The following LDB2 variants were observed in gnomAD, a reference collection of about 807,000 sequenced individuals.
The protein encoded by LDB2 is LIM domain binding 2.
A neutral mutation model predicts 44.3 loss-of-function variants in LDB2; 12 were observed. The observed-to-expected ratio is 0.27, with a 90% CI of 0.17 to 0.44. LDB2 has a LOEUF of 0.44. LDB2 is among the 20% of genes least tolerant of loss of function. The probability of loss-of-function intolerance (pLI) is 1.00; values close to 1 mark genes in which losing one functional copy is unlikely to be tolerated. For missense variants in LDB2, 344 were observed against 473.5 expected, an observed-to-expected ratio of 0.73 and a Z score of 2.54; for synonymous variants, 164 against 174.8, an observed-to-expected ratio of 0.94 and a Z score of 0.49.
At chr4:16,831,066 T>C (rs1465961391) in intron 1 of LDB2, among the ~76,000 whole-genome samples, 1 of 151,816 alleles carries the variant, frequency 6.6e-6, no homozygotes, top group African/African-American at 2.4e-5. Context: ...CTCTAGGCAA[T>C]GGGGTTGAAT....
intron 2 of LDB2, among the ~76,000 whole-genome samples, chr4:16,665,720 GAT>G (rs1187950150): frequency 1.3e-5 from 2 of 152,018 alleles, no homozygotes; most frequent in East Asian, 3.9e-4. Context: ...GCCCCTAAAA[GAT>G]ATGTCCATTT....
chr4:16,790,135 T>C (rs1219877441), intron 1 of LDB2, among the ~76,000 whole-genome samples: 2 of 152,144 alleles, frequency 1.3e-5, no homozygotes, highest in African/African-American at 4.8e-5. Context: ...ACCCACTAAA[T>C]ACCAGACACT....
intron 1 of LDB2, among the ~76,000 whole-genome samples, chr4:16,813,275 T>G (rs1320660855): frequency 6.6e-6 from 1 of 152,118 alleles, no homozygotes; most frequent in Admixed American, 6.5e-5. Context: ...TGTGAGCCAC[T>G]GTGCCCAGCC....
intron 2 of LDB2, among the ~76,000 whole-genome samples, chr4:16,680,864 G>A (rs1007761543): frequency 2.0e-5 from 3 of 152,176 alleles, no homozygotes; most frequent in Non-Finnish European, 4.4e-5. Flanking sequence ...AATTGTCTGT[G>A]ATACTTACAC....
chr4:16,567,304 G>A lies in LDB2; in HGVS notation c.615+18618C>T, dbSNP rs751095910. ...ATCTTTAGAGTGATAACCTTCTCTA[G>A]GATATATTTCTATTGCTTTTATAAA... On this transcript the variant is annotated intron_variant, in intron 5 of 7. Transcript: ENST00000304523. Among the ~76,000 whole-genome samples the A allele has an allele frequency of 2.6e-5, 4 of 152,154 alleles. No individual in the cohort carries two copies. The East Asian group carries it at 5.8e-4, about 22-fold the overall frequency.
chr4:16,585,408 G>A (rs1372360238), intron 5 of LDB2, among the ~76,000 whole-genome samples: 4 of 152,160 alleles, frequency 2.6e-5, no homozygotes, highest in Non-Finnish European at 2.9e-5. Context: ...CTGTAGAGAG[G>A]AAGAATCTCC....
chr4:16,735,219 G>T (rs563169620), intron 2 of LDB2, among the ~76,000 whole-genome samples: 5 of 152,186 alleles, frequency 3.3e-5, no homozygotes, highest in African/African-American at 9.6e-5. Context: ...AATGCTGCCC[G>T]CAGTCCCCTG....
chr4:16,539,761 T>C (rs1337757545), intron 5 of LDB2, among the ~76,000 whole-genome samples: 2 of 152,130 alleles, frequency 1.3e-5, no homozygotes, highest in African/African-American at 4.8e-5. Context: ...TCAAATTCAC[T>C]GAAAGTCCAC....
chr4:16,889,455 A>C (rs1415974659), intron 1 of LDB2: 1 of 151,932 alleles, frequency 6.6e-6, no homozygotes, highest in Non-Finnish European at 1.5e-5. Flanking sequence ...TCAGGTCAAC[A>C]CTCCCTTCAT....
intron 5 of LDB2, among the ~76,000 whole-genome samples, chr4:16,555,962 G>C (rs991757202): frequency 1.3e-5 from 2 of 151,994 alleles, no homozygotes; most frequent in Admixed American, 6.6e-5. Flanking sequence ...ACCTCTGTTG[G>C]GATTGATTCC....
intron 1 of LDB2, among the ~76,000 whole-genome samples, chr4:16,850,652 A>T (rs1354170592): frequency 1.3e-5 from 2 of 152,070 alleles, no homozygotes; most frequent in Non-Finnish European, 2.9e-5. Context: ...CCCTAGAATG[A>T]TAATCCCTTT....
Position 16,739,648 on chromosome 4 carries a change from ATGTG to A in LDB2, c.235+19506_235+19509del, listed in dbSNP as rs1170545058. 3.2e-3 allele frequency among the ~76,000 whole-genome samples: 248 copies of A among 77,096 alleles called. 31 individuals carry two copies. In the East Asian group the frequency reaches 0.041, roughly 13 times the overall value. The allele number at this position is 77,096 out of a possible 152,430, so 50.6% of individuals were successfully genotyped here. On this transcript the variant is annotated intron_variant, in intron 2 of 7. Coordinates refer to ENST00000304523, the MANE Select transcript of LDB2 (RefSeq NM_001290.5). ...TGTGTGTATATATGTATATATACAT[ATGTG>A]TGTATATATGTATATATACATATGT...
intron 1 of LDB2, among the ~76,000 whole-genome samples, chr4:16,776,006 C>T (rs182836695): frequency 1.3e-5 from 2 of 152,328 alleles, no homozygotes; most frequent in East Asian, 1.9e-4. Flanking sequence ...GAGATCACAA[C>T]TTGCAAGAGA....
chr4:16,700,822 T>C (rs1195244992), intron 2 of LDB2, among the ~76,000 whole-genome samples: 1 of 152,128 alleles, frequency 6.6e-6, no homozygotes, highest in Non-Finnish European at 1.5e-5. Flanking sequence ...CATAAAAAAG[T>C]TAAAGCCCCC....
At chr4:16,677,827 C>G (rs1359247179) in intron 2 of LDB2, among the ~76,000 whole-genome samples, 2 of 152,180 alleles carry the variant, frequency 1.3e-5, no homozygotes, top group African/African-American at 2.4e-5. Flanking sequence ...ACCACCCACA[C>G]AAATAATATT....
chr4:16,592,080 G>A (rs1719179394), intron 3 of LDB2, among the ~76,000 whole-genome samples: 1 of 152,092 alleles, frequency 6.6e-6, no homozygotes. Flanking sequence ...AATGCCCCCA[G>A]TACAGATGGT....
intron 2 of LDB2, among the ~76,000 whole-genome samples, chr4:16,714,814 T>C (rs1222986509): frequency 2.0e-5 from 3 of 152,086 alleles, no homozygotes; most frequent in Non-Finnish European, 4.4e-5. Flanking sequence ...AATCCCTGTC[T>C]CTGTCTTCAC....
At chr4:16,641,529 A>G (rs1735168004) in intron 2 of LDB2, among the ~76,000 whole-genome samples, 1 of 152,144 alleles carries the variant, frequency 6.6e-6, no homozygotes, top group South Asian at 2.1e-4. Flanking sequence ...CAGAAGGTGA[A>G]GCAGAAACAG....
intron 5 of LDB2, among the ~76,000 whole-genome samples, chr4:16,521,651 A>G (rs1357783592): frequency 3.3e-5 from 5 of 152,134 alleles, no homozygotes. Flanking sequence ...AGCTGTCATC[A>G]GACACATCCA....
Sources: allele counts gnomAD v4.1 joint callset (sites outside exome capture counted in the v4.1 genomes callset), GRCh38; gene constraint gnomAD v4.1.1; transcripts MANE v1.5; gene names NCBI Gene and HGNC (gene_info 2026-07-23, HGNC 2026-07-21).